The following CLIC4 variants were observed in gnomAD, a reference collection of about 807,000 sequenced individuals.
CLIC4 encodes the protein CLIC family member 4.
Under a neutral mutation model 24.6 loss-of-function variants are expected in CLIC4, and 13 were observed. That is an observed-to-expected ratio of 0.53 (90% confidence interval 0.34 to 0.84). The LOEUF is 0.84. CLIC4 is among the 40% of genes least tolerant of loss of function. The pLI is 0.01. For synonymous variants in CLIC4, 104 were observed against 111.3 expected (o/e 0.93, Z 0.41); for missense variants, 227 against 301.7 (o/e 0.75, Z 1.83).
chr1:24,755,292 A>G (rs910174256), intron 1 of CLIC4, among the ~76,000 whole-genome samples: 1 of 151,108 alleles, frequency 6.6e-6, no homozygotes, highest in Non-Finnish European at 1.5e-5. Context: ...TACAAAAATT[A>G]GCTAGGCATG....
At chr1:24,796,480 C>T (rs1390914126) in intron 1 of CLIC4, among the ~76,000 whole-genome samples, 1 of 151,838 alleles carries the variant, frequency 6.6e-6, no homozygotes, top group Non-Finnish European at 1.5e-5. Flanking sequence ...AGCCACTGCA[C>T]CCAGCTTATA....
At chr1:24,746,938 A>ACGTCGCACCACTGCATTCCAGCCTG (rs1553188111) in intron 1 of CLIC4, among the ~76,000 whole-genome samples, 2 of 152,070 alleles carry the variant, frequency 1.3e-5, no homozygotes, top group Admixed American at 6.5e-5. Flanking sequence ...GCAGTGAGCC[A>ACGTCGCACCACTGCATTCCAGCCTG]CGTCGCACCA....
chr1:24,819,852 G>A (rs558736493), intron 3 of CLIC4, among the ~76,000 whole-genome samples: 1 of 147,700 alleles, frequency 6.8e-6, no homozygotes, highest in South Asian at 2.2e-4. Context: ...CGATTCTCCT[G>A]CCTCAGTCTC....
At chr1:24,805,873 G>A (rs376298218) in intron 2 of CLIC4, among the ~76,000 whole-genome samples, 11 of 151,902 alleles carry the variant, frequency 7.2e-5, no homozygotes, top group Non-Finnish European at 1.3e-4. Context: ...CTTTTCATTC[G>A]TTTCTTTTCC....
chr1:24,840,328 A>G (rs1029371130), intron 5 of CLIC4, among the ~76,000 whole-genome samples: 33 of 152,318 alleles, frequency 2.2e-4, no homozygotes, highest in African/African-American at 7.9e-4. Context: ...TTATGTTATC[A>G]AATTCTGTTC....
chr1:24,750,476 A>T, intron 1 of CLIC4, among the ~76,000 whole-genome samples: 1 of 130,752 alleles, frequency 7.6e-6, no homozygotes, highest in Middle Eastern at 4.8e-3. Flanking sequence ...CGCTCTTGTT[A>T]CCCCTCAGCC....
chr1:24,755,281 A>G (rs1257091787), intron 1 of CLIC4, among the ~76,000 whole-genome samples: 1 of 150,938 alleles, frequency 6.6e-6, no homozygotes, highest in Admixed American at 6.6e-5. Flanking sequence ...TCTACTAAAA[A>G]TACAAAAATT....
chr1:24,839,221 C>T (rs1557817128), intron 4 of CLIC4, among the ~76,000 whole-genome samples: 1 of 152,270 alleles, frequency 6.6e-6, no homozygotes, highest in East Asian at 1.9e-4. Flanking sequence ...AATTAATATG[C>T]TTGCCTTTTC....
At chr1:24,757,877 C>T (rs1457212684) in intron 1 of CLIC4, among the ~76,000 whole-genome samples, 3 of 151,942 alleles carry the variant, frequency 2.0e-5, no homozygotes, top group Non-Finnish European at 2.9e-5. Flanking sequence ...AAGTGATCCT[C>T]TCACCTCAGC....
chr1:24,794,631 A>G (rs957597610), intron 1 of CLIC4, among the ~76,000 whole-genome samples: 1 of 152,100 alleles, frequency 6.6e-6, no homozygotes, highest in African/African-American at 2.4e-5. Flanking sequence ...CTCCCATTCA[A>G]CCTGCATTCT....
chr1:24,782,071 C>G (rs929973558), intron 1 of CLIC4, among the ~76,000 whole-genome samples: 1 of 152,108 alleles, frequency 6.6e-6, no homozygotes, highest in African/African-American at 2.4e-5. Flanking sequence ...AACAGATAAC[C>G]TTTGAAAACT....
intron 2 of CLIC4, among the ~76,000 whole-genome samples, chr1:24,807,694 T>C (rs1639567116): frequency 6.6e-6 from 1 of 152,136 alleles, no homozygotes; most frequent in African/African-American, 2.4e-5. Context: ...AGGTGAGGAA[T>C]TGAACATACT....
chr1:24,745,996 G>C (rs1321183311), intron 1 of CLIC4, among the ~76,000 whole-genome samples: 3 of 150,770 alleles, frequency 2.0e-5, no homozygotes, highest in African/African-American at 7.3e-5. Flanking sequence ...CGGGCGCCGG[G>C]GCCCGGCCCC....
intron 1 of CLIC4, among the ~76,000 whole-genome samples, chr1:24,789,055 C>G (rs889289252): frequency 1.3e-5 from 2 of 152,166 alleles, no homozygotes; most frequent in African/African-American, 4.8e-5. Context: ...TCGGTGGTCT[C>G]TAGTGTTTTG....
chr1:24,790,683 T>A (rs1307535656), intron 1 of CLIC4, among the ~76,000 whole-genome samples: 4 of 152,116 alleles, frequency 2.6e-5, no homozygotes, highest in Non-Finnish European at 5.9e-5. Flanking sequence ...CTGACTCTGT[T>A]AGGCCTCCTC....
chr1:24,786,832 A>G (rs1298273740), intron 1 of CLIC4, among the ~76,000 whole-genome samples: 1 of 151,740 alleles, frequency 6.6e-6, no homozygotes, highest in Non-Finnish European at 1.5e-5. Flanking sequence ...GTTAGCCAGG[A>G]TGGTCTCGAT....
intron 1 of CLIC4, among the ~76,000 whole-genome samples, chr1:24,793,432 C>T (rs1484462306): frequency 1.3e-5 from 2 of 152,110 alleles, no homozygotes; most frequent in Non-Finnish European, 2.9e-5. Flanking sequence ...AGGCAGGTGC[C>T]TTACTTCAGA....
intron 1 of CLIC4, among the ~76,000 whole-genome samples, chr1:24,787,174 A>G (rs1639278189): frequency 1.3e-5 from 2 of 152,062 alleles, no homozygotes; most frequent in South Asian, 2.1e-4. Flanking sequence ...GTAGACATGT[A>G]TGTTTTTGTA....
intron 3 of CLIC4, among the ~76,000 whole-genome samples, chr1:24,818,939 T>C (rs1639698893): frequency 6.6e-6 from 1 of 151,866 alleles, no homozygotes; most frequent in Non-Finnish European, 1.5e-5. Context: ...ACAGAAATAG[T>C]ATGTAATGTA....
Sources: gnomAD v4.1 joint callset for allele counts (sites outside exome capture counted in the v4.1 genomes callset) on GRCh38, gnomAD v4.1.1 for gene constraint, MANE v1.5 for transcripts, NCBI Gene and HGNC (gene_info 2026-07-23, HGNC 2026-07-21) for gene names.